Variants in NRG2 observed in about 807,000 individuals in gnomAD.
NRG2 encodes the protein neuregulin 2.
In NRG2, 27 loss-of-function variants were observed where a neutral mutation model predicts 73.9. The ratio of observed to expected loss-of-function variants is 0.37; its 90% CI spans 0.27 to 0.50. NRG2 has a LOEUF of 0.50. NRG2 is among the 20% of genes least tolerant of loss of function. NRG2 has a pLI of 0.96. For missense variants in NRG2, 1,126 were observed against 1,210.1 expected (o/e 0.93, Z 1.03); for synonymous variants, 532 against 541.0 (o/e 0.98, Z 0.23).
chr5:139,891,331 A>G (rs1462015165), intron 1 of NRG2, among the ~76,000 whole-genome samples: 4 of 152,206 alleles, frequency 2.6e-5, no homozygotes, highest in African/African-American at 9.7e-5. Context: ...TGAGGAACTG[A>G]GAGCTCCAAA....
At position 140,042,918 on chromosome 5, in the gene NRG2, C is replaced by T; in HGVS notation, c.152G>A (p.Ser51Asn). The T allele has an allele frequency of 6.5e-7, 1 of 1,539,190 alleles. No homozygotes were observed. The highest frequency in any genetic ancestry group is 8.7e-7 in the Non-Finnish European group (1 of 1,144,384). Residue 51 changes from serine to asparagine, a missense_variant, in exon 1 of 10, where the codon AGC becomes AAC. Physicochemically the swap from Ser to Asn is conservative, Grantham distance 46. Coordinates refer to ENST00000361474, the MANE Select transcript of NRG2 (RefSeq NM_004883.3). ...GGGACGAGAGATGCTGCTGTTGTTG[C>T]TGCTGCTCCTGCTGCTGCTGCCGCT... ...SESGSSSRSS[S>N]NNSSISRPAA...
intron 1 of NRG2, among the ~76,000 whole-genome samples, chr5:139,967,616 G>T (rs1755632732): frequency 6.6e-6 from 1 of 152,184 alleles, no homozygotes; most frequent in South Asian, 2.1e-4. Flanking sequence ...GATGTAGAAT[G>T]CCTGGGCTCT....
Position 139,859,275 on chromosome 5 carries a change from G to A in NRG2, c.1190-3497C>T, listed in dbSNP as rs547887350. Among the ~76,000 whole-genome samples the A allele has an allele frequency of 4.9e-4, 74 of 152,244 alleles. 3 individuals are homozygous for A. The highest frequency in any genetic ancestry group is 1.8e-3 in the African/African-American group (73 of 41,534). On this transcript the variant is annotated intron_variant, in intron 5 of 9. Transcript: ENST00000361474. ...GCCAGCCCCACCCAGACCCTGGCTG[G>A]TCTTGCCAATGTGGGGTCAGATCAT...
At chr5:139,849,668 G>C (rs892936488) in intron 9 of NRG2, among the ~76,000 whole-genome samples, 49 of 152,090 alleles carry the variant, frequency 3.2e-4, no homozygotes, top group Admixed American at 3.0e-3. Context: ...ACTGCTCTCT[G>C]GAACCAGCCT....
chr5:139,859,818 C>A (rs1762033926), intron 5 of NRG2: 1 of 1,508,256 alleles, frequency 6.6e-7, no homozygotes, highest in Admixed American at 1.7e-5. Flanking sequence ...AAACATTCAG[C>A]ACACATGGCA....
At chr5:139,908,384 G>A (rs560127012) in intron 1 of NRG2, among the ~76,000 whole-genome samples, 19 of 152,078 alleles carry the variant, frequency 1.2e-4, no homozygotes, top group African/African-American at 3.1e-4. Flanking sequence ...CCCTTTATGC[G>A]CCAGGCTCTG....
At chr5:139,951,728 C>A (rs1432604666) in intron 1 of NRG2, among the ~76,000 whole-genome samples, 1 of 152,242 alleles carries the variant, frequency 6.6e-6, no homozygotes, top group Non-Finnish European at 1.5e-5. Context: ...AGTCCCCAGG[C>A]TCTTGACCAA....
intron 1 of NRG2, among the ~76,000 whole-genome samples, chr5:139,901,321 C>T (rs151012593): frequency 2.8e-4 from 42 of 152,288 alleles, no homozygotes; most frequent in African/African-American, 9.9e-4. Context: ...TTGTAATGAA[C>T]CTCGAGGTGC....
At position 139,870,746 on chromosome 5, in the gene NRG2, G is replaced by T. The variant is rs995318478; in HGVS notation, c.1112+975C>A. ...CCCACTCCTCTCCTAGATCTGTCTG[G>T]AGCCTATGCTGCCCTCACCAAGCTC... is the stretch of plus-strand genomic sequence containing the variant. On this transcript the variant is annotated intron_variant, in intron 4 of 9. Transcript: ENST00000361474. This position sits in a 1 kb window ranked among gnomAD's most constrained non-coding sequence, Gnocchi z 4.4. Among the ~76,000 whole-genome samples, 1 of 152,136 alleles carries T rather than the reference G, an allele frequency of 6.6e-6. No individual in the cohort carries two copies. Among genetic ancestry groups the T allele is most frequent in the Admixed American group, 6.5e-5 (1 of 15,290 alleles).
chr5:139,955,176 A>G (rs557684756), intron 1 of NRG2, among the ~76,000 whole-genome samples: 2 of 152,276 alleles, frequency 1.3e-5, no homozygotes, highest in South Asian at 2.1e-4. Flanking sequence ...AGGGTGTGCA[A>G]GTGCTGAGCT....
intron 1 of NRG2, among the ~76,000 whole-genome samples, chr5:139,929,419 G>A (rs886833189): frequency 6.6e-6 from 1 of 152,192 alleles, no homozygotes; most frequent in Non-Finnish European, 1.5e-5. Context: ...AATCTTTGAT[G>A]TATGGGACGT....
At chr5:139,951,253 A>G (rs1754176289) in intron 1 of NRG2, among the ~76,000 whole-genome samples, 1 of 152,172 alleles carries the variant, frequency 6.6e-6, no homozygotes, top group African/African-American at 2.4e-5. Flanking sequence ...GTTTTGTTTG[A>G]GGCAGAAAGA....
At chr5:139,916,333 A>G (rs1208270683) in intron 1 of NRG2, among the ~76,000 whole-genome samples, 1 of 152,208 alleles carries the variant, frequency 6.6e-6, no homozygotes, top group Admixed American at 6.5e-5. Flanking sequence ...TGGCATTTAA[A>G]GCTTTCTGTA....
rs374328664 is a variant in NRG2 at position 139,929,955 on chromosome 5, C to A, written c.701-42444G>T. Among the ~76,000 whole-genome samples, 8 of 152,340 alleles carry A rather than the reference C, an allele frequency of 5.3e-5. No individual in the cohort carries two copies. The East Asian group carries it at 7.7e-4, about 15-fold the overall frequency. ...AGCATCCCCCAAAGTGGGACAGTCACACCTCATTTGTCTGAATTCGTGATG... is the reference window on the plus strand; with the variant it reads ...AGCATCCCCCAAAGTGGGACAGTCAAACCTCATTTGTCTGAATTCGTGATG... On this transcript the variant is annotated intron_variant, in intron 1 of 9. Transcript: ENST00000361474.
intron 9 of NRG2, among the ~76,000 whole-genome samples, chr5:139,850,813 A>G (rs1424214907): frequency 6.6e-6 from 1 of 152,138 alleles, no homozygotes; most frequent in African/African-American, 2.4e-5. Context: ...TGCTACTGCC[A>G]AGGCCTGCCA....
At position 139,966,845 on chromosome 5, in the gene NRG2, A is replaced by G. The variant is rs1264224406; in HGVS notation, c.700+75525T>C. ...TTTAGAAGCTTCCCTAAGTGCACAG[A>G]AAAGCAAGCTCAGAGCATACCTGCT... On this transcript the variant is annotated intron_variant, in intron 1 of 9. Transcript: ENST00000361474. 3.3e-5 allele frequency among the ~76,000 whole-genome samples: 5 copies of G among 152,186 alleles called. No homozygotes were observed. The East Asian group carries it at 9.6e-4, about 29-fold the overall frequency.
At chr5:139,993,242 G>A (rs1757773520) in intron 1 of NRG2, among the ~76,000 whole-genome samples, 1 of 152,050 alleles carries the variant, frequency 6.6e-6, no homozygotes, top group Admixed American at 6.6e-5. Flanking sequence ...ATTGACATTA[G>A]GATAAAATCC....
At chr5:139,935,511 C>A (rs1187021899) in intron 1 of NRG2, among the ~76,000 whole-genome samples, 1 of 152,194 alleles carries the variant, frequency 6.6e-6, no homozygotes, top group African/African-American at 2.4e-5. Flanking sequence ...TCATACAAAC[C>A]ATGCTCTCTA....
intron 1 of NRG2, among the ~76,000 whole-genome samples, chr5:139,970,793 T>C (rs1002514675): frequency 6.6e-6 from 1 of 152,116 alleles, no homozygotes; most frequent in Non-Finnish European, 1.5e-5. Context: ...GTGCTAAAAA[T>C]CAGACAGAAA....
Sources: gnomAD v4.1 joint callset for allele counts (sites outside exome capture counted in the v4.1 genomes callset) on GRCh38, gnomAD v4.1.1 for gene constraint, Gnocchi (gnomAD v3.1) non-coding constraint, MANE v1.5 for transcripts, NCBI Gene and HGNC (gene_info 2026-07-23, HGNC 2026-07-21) for gene names.